The following SNX25 variants were observed in gnomAD, a reference collection of about 807,000 sequenced individuals.
SNX25 encodes sorting nexin-25.
A neutral mutation model predicts 113.7 loss-of-function variants in SNX25; 62 were observed. That is an observed-to-expected ratio of 0.55 (90% CI 0.44 to 0.67). The LOEUF (loss-of-function observed/expected upper bound fraction) is 0.67, where lower values mean the gene tolerates loss of function less well. SNX25 is among the 30% of genes least tolerant of loss of function. The pLI, the probability that SNX25 is intolerant of heterozygous loss-of-function variation, is 0.00. For synonymous variants in SNX25, 421 were observed against 436.2 expected, an observed-to-expected ratio of 0.97 and a Z score of 0.43; for missense variants, 1,014 against 1,161.0, an observed-to-expected ratio of 0.87 and a Z score of 1.84.
intron 5 of SNX25, among the ~76,000 whole-genome samples, chr4:185,271,462 TG>T (rs1444710416): frequency 6.6e-6 from 1 of 152,192 alleles, no homozygotes; most frequent in East Asian, 1.9e-4. Flanking sequence ...TTGGCCAGGC[TG>T]GTCTTGAACT....
chr4:185,212,491 G>GTGTTTCTGTTTTT (rs546083196), intron 1 of SNX25, among the ~76,000 whole-genome samples: 14 of 104,942 alleles, frequency 1.3e-4, no homozygotes, highest in African/African-American at 4.1e-4. Flanking sequence ...GTGTGTGTGT[G>GTGTTTCTGTTTTT]TTTTTTTTTT....
intron 6 of SNX25, among the ~76,000 whole-genome samples, chr4:185,299,363 C>G (rs747875172): frequency 3.9e-5 from 6 of 152,304 alleles, no homozygotes; most frequent in Non-Finnish European, 5.9e-5. Flanking sequence ...CCTAGAAAGC[C>G]TGGACGTAAT....
At position 185,363,252 on chromosome 4, in the gene SNX25, G is replaced by A; in HGVS notation, c.2935-133G>A. 1.3e-6 allele frequency: 1 copy of A among 752,542 alleles called. No homozygotes were observed. Among genetic ancestry groups the A allele is most frequent in the Admixed American group, 2.6e-5 (1 of 38,442 alleles). The allele number at this position is 752,542 out of a possible 1,614,324, so 46.6% of individuals were successfully genotyped here. On this transcript the variant is annotated intron_variant, in intron 18 of 18. Transcript: ENST00000652585. The surrounding 1 kb of genome is among the most constrained non-coding windows in gnomAD (Gnocchi z 4.2). ...ATTATAGTTACCAATATTAAATACT[G>A]TTTGAGAGTTACTTGTTTACTGAGA...
At chr4:185,252,173 A>T (rs1172744245) in intron 2 of SNX25, among the ~76,000 whole-genome samples, 2 of 152,218 alleles carry the variant, frequency 1.3e-5, no homozygotes, top group Non-Finnish European at 2.9e-5. Context: ...AACAACAAAC[A>T]AAACTAGAAT....
intron 1 of SNX25, among the ~76,000 whole-genome samples, chr4:185,240,221 C>A: frequency 6.6e-6 from 1 of 152,138 alleles, no homozygotes; most frequent in East Asian, 1.9e-4. Flanking sequence ...CCACCTTTCC[C>A]CCCTTTCTAT....
At chr4:185,365,256 C>T (rs2095382739), downstream of SNX25, 1 of 152,132 alleles carries the variant, frequency 6.6e-6, no homozygotes, top group Admixed American at 6.5e-5. Context: ...ATGTATGGCA[C>T]ACGTCAAAGT....
At chr4:185,225,243 T>A (rs1472746318) in intron 1 of SNX25, among the ~76,000 whole-genome samples, 1 of 151,978 alleles carries the variant, frequency 6.6e-6, no homozygotes, top group Non-Finnish European at 1.5e-5. Context: ...CTTAGCCTTC[T>A]GAGTAGCTGG....
the SNX25 span, chr4:185,376,759 G>T: frequency 1.7e-6 from 1 of 597,620 alleles, no homozygotes. Flanking sequence ...TGGCAGCACT[G>T]TATCCTACTG....
chr4:185,263,312 A>G (rs565682762), intron 3 of SNX25, among the ~76,000 whole-genome samples: 25 of 152,328 alleles, frequency 1.6e-4, no homozygotes, highest in African/African-American at 5.5e-4. Flanking sequence ...AGTGCTTGAC[A>G]TGATAAAGGA....
chr4:185,277,036 A>G (rs971871628), intron 5 of SNX25, among the ~76,000 whole-genome samples: 1 of 151,794 alleles, frequency 6.6e-6, no homozygotes, highest in Non-Finnish European at 1.5e-5. Flanking sequence ...TTTTATTTTT[A>G]TTTTTCAAGA....
chr4:185,336,298 G>T (rs370841194), intron 10 of SNX25, among the ~76,000 whole-genome samples: 1 of 152,168 alleles, frequency 6.6e-6, no homozygotes, highest in Non-Finnish European at 1.5e-5. Context: ...TGTACCCAGT[G>T]TGTAGTCTTT....
At chr4:185,362,364 T>G in intron 17 of SNX25, 1 of 981,122 alleles carries the variant, frequency 1.0e-6, no homozygotes, top group South Asian at 4.7e-5. Flanking sequence ...GAGCTTAATT[T>G]TTAGCAAAAT....
chr4:185,237,125 A>G (rs1742758096), intron 1 of SNX25, among the ~76,000 whole-genome samples: 1 of 147,464 alleles, frequency 6.8e-6, no homozygotes, highest in African/African-American at 2.5e-5. Context: ...TCCTGTATCT[A>G]AAGTAGAAAT....
chr4:185,261,810 A>T (rs963050251), intron 3 of SNX25, among the ~76,000 whole-genome samples: 1 of 152,218 alleles, frequency 6.6e-6, no homozygotes, highest in Non-Finnish European at 1.5e-5. Context: ...GATAAAAAAT[A>T]AAGAACAAAA....
chr4:185,272,908 G>A (rs1749153504), intron 5 of SNX25, among the ~76,000 whole-genome samples: 2 of 152,144 alleles, frequency 1.3e-5, no homozygotes, highest in African/African-American at 4.8e-5. Flanking sequence ...TGGTAAAATT[G>A]ACACTTGGGG....
At chr4:185,341,941 T>A in intron 11 of SNX25, 35 bp from the exon 12 acceptor site, 1 of 1,557,352 alleles carries the variant, frequency 6.4e-7, no homozygotes, top group South Asian at 1.2e-5. Context: ...TTCACCATGC[T>A]TTTTGTAAGT....
downstream of SNX25, chr4:185,367,360 C>G (rs77624707): frequency 3.4e-6 from 3 of 888,534 alleles, no homozygotes; most frequent in Non-Finnish European, 5.1e-6. Flanking sequence ...CAGTGAATTT[C>G]AAGAAAATTT....
At chr4:185,214,095 A>G (rs1156812101) in intron 1 of SNX25, among the ~76,000 whole-genome samples, 1 of 151,916 alleles carries the variant, frequency 6.6e-6, no homozygotes, top group African/African-American at 2.4e-5. Flanking sequence ...CCCTTTAGAA[A>G]TGCAAATATA....
At chr4:185,369,093 C>CT (rs2095404865) in intron 11 of SNX25, among the ~76,000 whole-genome samples, 1 of 151,754 alleles carries the variant, frequency 6.6e-6, no homozygotes, top group Admixed American at 6.6e-5. Context: ...GGTACCTGGA[C>CT]TTTTTTTGTT....
Sources: gnomAD v4.1 joint callset for allele counts (sites outside exome capture counted in the v4.1 genomes callset) on GRCh38, gnomAD v4.1.1 for gene constraint, Gnocchi (gnomAD v3.1) non-coding constraint, MANE v1.5 for transcripts, NCBI Gene and HGNC (gene_info 2026-07-23, HGNC 2026-07-21) for gene names.